TMEM200A: variants seen among roughly 807,000 people sequenced by gnomAD.
TMEM200A encodes two transmembrane C.
Under a neutral mutation model 24.3 loss-of-function variants are expected in TMEM200A, and 12 were observed. The observed-to-expected ratio is 0.49, with a 90% CI of 0.32 to 0.80. The LOEUF (loss-of-function observed/expected upper bound fraction) is 0.80, where lower values mean the gene tolerates loss of function less well. Ranked by LOEUF, TMEM200A falls within the 30% of genes least tolerant of loss-of-function variation. The pLI is 0.04. For synonymous variants in TMEM200A, 224 were observed against 224.4 expected, an observed-to-expected ratio of 1.00 and a Z score of 0.02; for missense variants, 545 against 614.4, an observed-to-expected ratio of 0.89 and a Z score of 1.19.
At chr6:130,371,416 CCTGG>C (rs1276202566) in intron 1 of TMEM200A, among the ~76,000 whole-genome samples, 1 of 152,020 alleles carries the variant, frequency 6.6e-6, no homozygotes, top group Non-Finnish European at 1.5e-5. Flanking sequence ...GAATTCAAAC[CCTGG>C]CAGTCGGACA....
At chr6:130,420,338 A>G (rs1779553028) in intron 2 of TMEM200A, among the ~76,000 whole-genome samples, 1 of 152,158 alleles carries the variant, frequency 6.6e-6, no homozygotes, top group Non-Finnish European at 1.5e-5. Flanking sequence ...ACTCATGTCC[A>G]TTGTGATTTG....
In TMEM200A at chr6:130,392,263, G is replaced by T. The variant is rs541445870; in HGVS notation, c.-17+7027G>T. Among the ~76,000 whole-genome samples, 111 of 152,310 alleles carry T rather than the reference G, an allele frequency of 7.3e-4. 1 individual carries two copies. The highest frequency in any genetic ancestry group is 1.7e-3 in the Admixed American group (26 of 15,300). The stretch of plus-strand genomic sequence containing the variant: ...GCATATAAATCACCTAGAAAACAAT[G>T]CATAGCCTGTTGAATAAAAGTAGAT... On this transcript the variant is annotated intron_variant, in intron 2 of 2. Transcript: ENST00000296978.
At chr6:130,439,137 T>A (rs976932675) in intron 2 of TMEM200A, 8 of 152,220 alleles carry the variant, frequency 5.3e-5, no homozygotes, top group African/African-American at 1.2e-4. Context: ...TGGTAGGTAG[T>A]GGAGAATATT....
Position 130,440,546 on chromosome 6 carries a change from C to A in TMEM200A, c.124C>A (p.Arg42Ser). ...TACCCAAGAGAAGAAGCCCATCAGG[C>A]GCCGGCCCCGGGCAGATGTTGTGGT... ...PATQEKKPIR[R>S]RPRADVVVVR... The change falls in exon 3 of 3, where the codon CGC (arginine) becomes AGC (serine). Residue 42 changes from arginine (R) to serine (S), a missense_variant. By Grantham distance (110) the Arg-to-Ser change is moderately radical (BLOSUM62 -1). Coordinates refer to ENST00000296978, the MANE Select transcript of TMEM200A (RefSeq NM_001258277.2). The A allele has an allele frequency of 6.2e-7, 1 of 1,614,082 alleles. No homozygotes were observed. The highest frequency in any genetic ancestry group is 8.5e-7 in the Non-Finnish European group (1 of 1,179,954).
intron 2 of TMEM200A, among the ~76,000 whole-genome samples, chr6:130,402,541 C>G (rs572223942): frequency 6.6e-6 from 1 of 152,142 alleles, no homozygotes; most frequent in African/African-American, 2.4e-5. Context: ...ATCAATTATT[C>G]CTGTCTTTCT....
intron 2 of TMEM200A, among the ~76,000 whole-genome samples, chr6:130,393,159 A>G (rs568843999): frequency 3.8e-4 from 58 of 152,328 alleles, no homozygotes; most frequent in African/African-American, 1.4e-3. Flanking sequence ...CCCAAAGAGA[A>G]GCTAAAAGCT....
intron 2 of TMEM200A, among the ~76,000 whole-genome samples, chr6:130,422,204 C>A (rs912992287): frequency 1.4e-4 from 22 of 152,092 alleles, no homozygotes; most frequent in Non-Finnish European, 3.1e-4. Flanking sequence ...CATATCCTTG[C>A]CAGCACTTAT....
chr6:130,376,766 T>C (rs1327750487), intron 1 of TMEM200A, among the ~76,000 whole-genome samples: 1 of 152,026 alleles, frequency 6.6e-6, no homozygotes, highest in East Asian at 1.9e-4. Flanking sequence ...TCACATACAT[T>C]TTTTTTTCTC....
intron 2 of TMEM200A, among the ~76,000 whole-genome samples, chr6:130,430,590 C>T (rs573122518): frequency 1.8e-4 from 27 of 152,078 alleles, no homozygotes; most frequent in Non-Finnish European, 3.1e-4. Flanking sequence ...TTTTCTAATA[C>T]GTTTACCATT....
At chr6:130,427,492 A>G (rs1779772814) in intron 2 of TMEM200A, among the ~76,000 whole-genome samples, 1 of 152,006 alleles carries the variant, frequency 6.6e-6, no homozygotes, top group South Asian at 2.1e-4. Context: ...TGCTGCAGTG[A>G]ACATCCTTAT....
chr6:130,410,330 G>C (rs1779302726), intron 2 of TMEM200A, among the ~76,000 whole-genome samples: 1 of 152,150 alleles, frequency 6.6e-6, no homozygotes, highest in Non-Finnish European at 1.5e-5. Flanking sequence ...AATTCAGATG[G>C]ACTCAAAATC....
intron 2 of TMEM200A, among the ~76,000 whole-genome samples, chr6:130,398,009 T>C (rs1429030051): frequency 6.6e-6 from 1 of 152,012 alleles, no homozygotes; most frequent in Non-Finnish European, 1.5e-5. Flanking sequence ...GGTACATTTG[T>C]AGGTTTGTTA....
intron 2 of TMEM200A, among the ~76,000 whole-genome samples, chr6:130,420,779 C>A (rs2115181035): frequency 6.6e-6 from 1 of 152,152 alleles, no homozygotes; most frequent in Middle Eastern, 3.4e-3. Flanking sequence ...TAAAGGAATT[C>A]TAGGTATAGG....
chr6:130,399,562 G>A (rs569856731), intron 2 of TMEM200A, among the ~76,000 whole-genome samples: 58 of 151,384 alleles, frequency 3.8e-4, no homozygotes, highest in African/African-American at 1.4e-3. Flanking sequence ...ATTTTTATTC[G>A]ACAAATTTTG....
At chr6:130,412,090 T>C (rs1269903386) in intron 2 of TMEM200A, among the ~76,000 whole-genome samples, 1 of 140,474 alleles carries the variant, frequency 7.1e-6, no homozygotes, top group Non-Finnish European at 1.5e-5. Context: ...TGTTGAACGT[T>C]TCCTTGGCTT....
At chr6:130,369,657 G>A (rs1003496583) in intron 1 of TMEM200A, among the ~76,000 whole-genome samples, 1 of 152,144 alleles carries the variant, frequency 6.6e-6, no homozygotes, top group East Asian at 1.9e-4. Context: ...TAGTGATGCT[G>A]GAAAAAGGAA....
chr6:130,387,212 A>G (rs1025186610), intron 2 of TMEM200A, among the ~76,000 whole-genome samples: 1 of 152,200 alleles, frequency 6.6e-6, no homozygotes, highest in Admixed American at 6.5e-5. Flanking sequence ...ATTAAAGTCT[A>G]TTGCAAAATC....
At chr6:130,432,406 C>A (rs562064574) in intron 2 of TMEM200A, among the ~76,000 whole-genome samples, 2 of 152,324 alleles carry the variant, frequency 1.3e-5, no homozygotes, top group African/African-American at 4.8e-5. Flanking sequence ...GTGCTTTATT[C>A]TTTCTGTATC....
chr6:130,383,330 A>C (rs1778644710), intron 1 of TMEM200A, among the ~76,000 whole-genome samples: 1 of 152,254 alleles, frequency 6.6e-6, no homozygotes, highest in Non-Finnish European at 1.5e-5. Flanking sequence ...AGCAAGTTCC[A>C]ACATGCTGGC....
Sources: allele counts gnomAD v4.1 joint callset (sites outside exome capture counted in the v4.1 genomes callset), GRCh38; gene constraint gnomAD v4.1.1; transcripts MANE v1.5; gene names NCBI Gene and HGNC (gene_info 2026-07-23, HGNC 2026-07-21).